STAU2: variants seen among roughly 807,000 people sequenced by gnomAD.
STAU2 encodes staufen double-stranded RNA binding protein 2.
A neutral mutation model predicts 65.9 loss-of-function variants in STAU2; 20 were observed. The ratio of observed to expected loss-of-function variants is 0.30; its 90% CI spans 0.21 to 0.44. The LOEUF is 0.44. Among genes scored for constraint, STAU2 ranks in the 20% least tolerant of loss-of-function variants. The pLI is 1.00. For missense variants in STAU2, 558 were observed against 683.9 expected, an observed-to-expected ratio of 0.82 and a Z score of 2.05; for synonymous variants, 232 against 233.9, an observed-to-expected ratio of 0.99 and a Z score of 0.07.
intron 4 of STAU2, among the ~76,000 whole-genome samples, chr8:73,705,694 G>T (rs10100388): frequency 2.8e-4 from 42 of 151,962 alleles, no homozygotes; most frequent in African/African-American, 9.4e-4. Context: ...AAACTGAGCA[G>T]AAAAATAAAA....
rs77794686 is a variant in STAU2 at position 73,446,320 on chromosome 8, C to T, written c.1531-23618G>A. ...AGGTGTGAGGGGAGAATAGACAGCA[C>T]GAGGGAGAGCCTCATGGTGACAGAA... On this transcript the variant is annotated intron_variant, in intron 13 of 14. Coordinates refer to ENST00000524300, the MANE Select transcript of STAU2 (RefSeq NM_001164380.2). 1.6e-4 allele frequency among the ~76,000 whole-genome samples: 25 copies of T among 152,298 alleles called. No homozygotes were observed. In the East Asian group the frequency reaches 3.9e-3, roughly 24 times the overall value.
At chr8:73,700,160 G>A (rs1348492276) in intron 4 of STAU2, among the ~76,000 whole-genome samples, 2 of 152,028 alleles carry the variant, frequency 1.3e-5, no homozygotes, top group Non-Finnish European at 1.5e-5. Flanking sequence ...GGGCATAAAA[G>A]GAACATGCCT....
At chr8:73,661,973 A>G (rs759936470) in intron 6 of STAU2, among the ~76,000 whole-genome samples, 7 of 152,216 alleles carry the variant, frequency 4.6e-5, no homozygotes, top group Non-Finnish European at 1.0e-4. Flanking sequence ...GGGTGGTAAG[A>G]TAAGTACTAC....
intron 3 of STAU2, among the ~76,000 whole-genome samples, chr8:73,720,178 C>T (rs116792564): frequency 0.011 from 1,619 of 151,196 alleles, 24 homozygotes; most frequent in African/African-American, 0.037. Flanking sequence ...AGCTAGGAGG[C>T]TGAAGTGGGA....
Position 73,651,350 on chromosome 8 carries a change from C to T in STAU2, c.410+21757G>A, listed in dbSNP as rs533752373. 2.2e-5 allele frequency: 15 copies of T among 683,452 alleles called. No individual in the cohort carries two copies. The African/African-American group carries it at 2.6e-4, about 12-fold the overall frequency. 42.3% of individuals were successfully genotyped at this position (683,452 alleles called of 1,614,324 possible). ...CTTGGAGGGCATCTTCCAGCACCACCAGTACCTGGGCCCTCTGGAGTGGAA... is the reference window on the plus strand; with the variant it reads ...CTTGGAGGGCATCTTCCAGCACCACTAGTACCTGGGCCCTCTGGAGTGGAA... On this transcript the variant is annotated intron_variant, in intron 6 of 14. Transcript: ENST00000524300.
intron 6 of STAU2, among the ~76,000 whole-genome samples, chr8:73,670,094 T>C (rs1817558144): frequency 6.6e-6 from 1 of 152,204 alleles, no homozygotes; most frequent in Non-Finnish European, 1.5e-5. Flanking sequence ...TAGCTTTATT[T>C]ATTTACATTG....
chr8:73,492,848 T>C (rs1365494231), intron 13 of STAU2, among the ~76,000 whole-genome samples: 1 of 151,894 alleles, frequency 6.6e-6, no homozygotes, highest in Admixed American at 6.6e-5. Flanking sequence ...GTATTTTTTA[T>C]GGTAGTACAA....
intron 12 of STAU2, chr8:73,561,683 G>T: frequency 2.7e-6 from 1 of 364,046 alleles, no homozygotes; most frequent in Non-Finnish European, 5.4e-6. Flanking sequence ...CCTCTGCCAG[G>T]ATTCCTATTG....
Position 73,552,163 on chromosome 8 carries a change from C to G in STAU2, c.1379G>C (p.Ser460Thr), listed in dbSNP as rs759440702. ...SFFSISPTSN[S>T]SATIARELLM... ...GAGTTCCCTGGCAATTGTAGCTGAACTATTCGATGTGGGAGATATACTGAA... is the reference window on the plus strand; with the variant it reads ...GAGTTCCCTGGCAATTGTAGCTGAAGTATTCGATGTGGGAGATATACTGAA... The change falls in exon 13 of 15, where the codon AGT becomes ACT. Residue 460 changes from serine to threonine, a missense_variant. Coordinates refer to ENST00000524300, the MANE Select transcript of STAU2 (RefSeq NM_001164380.2). 4 of 1,613,952 alleles carry G rather than the reference C, an allele frequency of 2.5e-6. No individual in the cohort carries two copies. Among genetic ancestry groups the G allele is most frequent in the Non-Finnish European group, 8.5e-7 (1 of 1,179,866 alleles).
At chr8:73,671,189 G>C (rs979062458) in intron 6 of STAU2, among the ~76,000 whole-genome samples, 13 of 152,060 alleles carry the variant, frequency 8.5e-5, no homozygotes, top group African/African-American at 2.2e-4. Flanking sequence ...CTAACACTTT[G>C]AGAGGCTGAG....
intron 13 of STAU2, among the ~76,000 whole-genome samples, chr8:73,510,993 C>T (rs1405602442): frequency 6.6e-6 from 1 of 152,352 alleles, no homozygotes; most frequent in East Asian, 1.9e-4. Flanking sequence ...CAACTGGCAG[C>T]GCCTGCCTGC....
At chr8:73,722,705 G>C (rs1282874515) in intron 3 of STAU2, among the ~76,000 whole-genome samples, 1 of 151,790 alleles carries the variant, frequency 6.6e-6, no homozygotes, top group Non-Finnish European at 1.5e-5. Flanking sequence ...TTTATCATTT[G>C]CTTTCAACAA....
Position 73,466,235 on chromosome 8 carries a change from G to A in STAU2, c.1531-43533C>T, listed in dbSNP as rs748838153. On this transcript the variant is annotated intron_variant, in intron 13 of 14. Coordinates refer to ENST00000524300, the MANE Select transcript of STAU2 (RefSeq NM_001164380.2). ...GTTCAATCTTAGAACTGGTTTTCTG[G>A]GTTTTAGACTCATGGAGTTACCCAT... Among the ~76,000 whole-genome samples the A allele has an allele frequency of 7.5e-4, 114 of 152,054 alleles. 1 individual carries two copies. The highest frequency in any genetic ancestry group is 1.7e-3 in the Admixed American group (26 of 15,270).
intron 13 of STAU2, among the ~76,000 whole-genome samples, chr8:73,504,968 T>C (rs1257216664): frequency 6.6e-6 from 1 of 152,168 alleles, no homozygotes. Context: ...CTTGACTTTG[T>C]AGTATCTCAC....
chr8:73,499,112 C>T (rs1821597049), intron 13 of STAU2, among the ~76,000 whole-genome samples: 1 of 151,820 alleles, frequency 6.6e-6, no homozygotes, highest in African/African-American at 2.4e-5. Flanking sequence ...ACCTTCAACT[C>T]AAACTGCAAT....
chr8:73,688,932 C>A lies in STAU2; in HGVS notation c.115-119G>T. ...AATTTTAGAGCTAGAGGTGACCTTA[C>A]CTACAGATCATCTGCAACAAAATCT... On this transcript the variant is annotated intron_variant, in intron 4 of 14. Transcript: ENST00000524300. The A allele has an allele frequency of 1.3e-5, 15 of 1,157,734 alleles. No homozygotes were observed. The South Asian group carries it at 2.3e-4, about 18-fold the overall frequency. The allele number at this position is 1,157,734 out of a possible 1,614,324, so 71.7% of individuals were successfully genotyped here.
intron 6 of STAU2, among the ~76,000 whole-genome samples, chr8:73,649,398 C>G (rs574677637): frequency 7.6e-4 from 115 of 152,268 alleles, no homozygotes; most frequent in Non-Finnish European, 1.4e-3. Flanking sequence ...TTTCTCAACA[C>G]AGAGGTCCAG....
chr8:73,746,469 C>A (rs371000779), intron 1 of STAU2, among the ~76,000 whole-genome samples: 16 of 151,932 alleles, frequency 1.1e-4, no homozygotes, highest in South Asian at 8.3e-4. Context: ...CCACTTGGCC[C>A]GGCCTCCTCG....
intron 13 of STAU2, among the ~76,000 whole-genome samples, chr8:73,483,305 C>A (rs978593816): frequency 1.3e-5 from 2 of 152,016 alleles, no homozygotes; most frequent in African/African-American, 4.8e-5. Flanking sequence ...GGGGAAAAAA[C>A]CTCACAAATT....
Sources: allele counts gnomAD v4.1 joint callset (sites outside exome capture counted in the v4.1 genomes callset), GRCh38; gene constraint gnomAD v4.1.1; transcripts MANE v1.5; gene names NCBI Gene and HGNC (gene_info 2026-07-23, HGNC 2026-07-21).